Variants in CLSTN2 observed in about 807,000 individuals in gnomAD.
CLSTN2 encodes calsyntenin-2.
A neutral mutation model predicts 101.2 loss-of-function variants in CLSTN2; 48 were observed. The ratio of observed to expected loss-of-function variants is 0.47; its 90% CI spans 0.38 to 0.60. The LOEUF (loss-of-function observed/expected upper bound fraction) is 0.60, where lower values mean the gene tolerates loss of function less well. Among genes scored for constraint, CLSTN2 ranks in the 20% least tolerant of loss-of-function variants. The probability of loss-of-function intolerance (pLI) is 0.00; values close to 1 mark genes in which losing one functional copy is unlikely to be tolerated. For synonymous variants in CLSTN2, 481 were observed against 463.6 expected, an observed-to-expected ratio of 1.04 and a Z score of -0.48; for missense variants, 1,160 against 1,238.2, an observed-to-expected ratio of 0.94 and a Z score of 0.95.
At chr3:140,305,027 C>G (rs949659473) in intron 2 of CLSTN2, among the ~76,000 whole-genome samples, 128 of 56,904 alleles carry the variant, frequency 2.2e-3, no homozygotes, top group African/African-American at 5.9e-3. Flanking sequence ...CACAGAGACA[C>G]ACACACACAC....
At chr3:140,491,453 C>G (rs969500664) in intron 8 of CLSTN2, among the ~76,000 whole-genome samples, 1 of 152,056 alleles carries the variant, frequency 6.6e-6, no homozygotes, top group Non-Finnish European at 1.5e-5. Flanking sequence ...TAGTAGTTAC[C>G]CATTTATTTT....
At chr3:140,411,439 C>T (rs1311602853) in intron 4 of CLSTN2, among the ~76,000 whole-genome samples, 2 of 152,084 alleles carry the variant, frequency 1.3e-5, no homozygotes, top group Non-Finnish European at 1.5e-5. Flanking sequence ...TAAATATGAA[C>T]AAATCTGAAG....
intron 8 of CLSTN2, among the ~76,000 whole-genome samples, chr3:140,514,565 A>G (rs1326479265): frequency 1.3e-5 from 2 of 152,176 alleles, no homozygotes; most frequent in African/African-American, 4.8e-5. Context: ...TATTTTTGCC[A>G]TTGCAAATTG....
Position 140,337,294 on chromosome 3 carries a change from T to G in CLSTN2, c.233-66335T>G, listed in dbSNP as rs537557175. ...CACATTTAGTTCCTTCTGAGGGCTG[T>G]GCAAAAGGATCTGTTCCAGGCCTCT... On this transcript the variant is annotated intron_variant, in intron 2 of 16. Transcript: ENST00000458420. 1.1e-3 allele frequency among the ~76,000 whole-genome samples: 169 copies of G among 152,350 alleles called. 1 individual carries two copies. Among genetic ancestry groups the G allele is most frequent in the Non-Finnish European group, 2.0e-3 (136 of 68,022 alleles).
At chr3:140,355,664 T>C (rs1224584450) in intron 2 of CLSTN2, among the ~76,000 whole-genome samples, 1 of 152,192 alleles carries the variant, frequency 6.6e-6, no homozygotes, top group Non-Finnish European at 1.5e-5. Flanking sequence ...GCAATCTGGC[T>C]GGTGCCAAGC....
intron 1 of CLSTN2, among the ~76,000 whole-genome samples, chr3:140,043,428 T>C (rs1353462377): frequency 6.6e-6 from 1 of 152,222 alleles, no homozygotes; most frequent in Non-Finnish European, 1.5e-5. Flanking sequence ...ATATTAGCCC[T>C]TTGCCAGATG....
intron 8 of CLSTN2, among the ~76,000 whole-genome samples, chr3:140,502,276 A>G (rs1049636980): frequency 1.3e-5 from 2 of 152,188 alleles, no homozygotes; most frequent in Admixed American, 6.5e-5. Context: ...CTCTAAATGG[A>G]GCAAATTGTA....
chr3:140,079,540 A>G (rs971983592), intron 1 of CLSTN2, among the ~76,000 whole-genome samples: 5 of 152,182 alleles, frequency 3.3e-5, no homozygotes, highest in African/African-American at 1.2e-4. Flanking sequence ...TCATGAGGTC[A>G]GGAGATTGAG....
intron 1 of CLSTN2, among the ~76,000 whole-genome samples, chr3:140,172,121 T>C (rs1296838542): frequency 6.6e-6 from 1 of 150,588 alleles, no homozygotes; most frequent in Non-Finnish European, 1.5e-5. Flanking sequence ...AATTAGGGTG[T>C]GAAGTTTGGC....
intron 2 of CLSTN2, among the ~76,000 whole-genome samples, chr3:140,390,538 T>A (rs943791106): frequency 6.6e-6 from 1 of 152,238 alleles, no homozygotes; most frequent in South Asian, 2.1e-4. Flanking sequence ...TTTATGAACA[T>A]AACATGTGAG....
intron 2 of CLSTN2, among the ~76,000 whole-genome samples, chr3:140,225,929 G>T (rs1039939238): frequency 4.0e-5 from 6 of 151,650 alleles, no homozygotes; most frequent in African/African-American, 1.5e-4. Flanking sequence ...AAAAAAAAAG[G>T]ACTCTAAAAG....
chr3:140,518,132 G>T (rs1934955527), intron 8 of CLSTN2, among the ~76,000 whole-genome samples: 1 of 152,290 alleles, frequency 6.6e-6, no homozygotes, highest in Non-Finnish European at 1.5e-5. Flanking sequence ...CAAAAGGCCA[G>T]TCTCACTTCC....
intron 2 of CLSTN2, among the ~76,000 whole-genome samples, chr3:140,265,323 G>A (rs528935749): frequency 1.1e-4 from 16 of 152,274 alleles, no homozygotes; most frequent in Non-Finnish European, 1.6e-4. Context: ...GAGAAAGCCC[G>A]GAGGAGGAGC....
intron 5 of CLSTN2, among the ~76,000 whole-genome samples, chr3:140,434,898 TAA>T (rs75917404): frequency 1.3e-5 from 2 of 152,098 alleles, no homozygotes; most frequent in East Asian, 1.9e-4. Flanking sequence ...TTGTATCTTT[TAA>T]AAAAAATTTT....
At chr3:140,147,030 G>A (rs1175382758) in intron 1 of CLSTN2, among the ~76,000 whole-genome samples, 1 of 152,234 alleles carries the variant, frequency 6.6e-6, no homozygotes, top group Non-Finnish European at 1.5e-5. Context: ...ACAAATTAAT[G>A]ATTGAATGAG....
chr3:139,987,548 C>CT (rs1936046531), intron 1 of CLSTN2, among the ~76,000 whole-genome samples: 3 of 152,152 alleles, frequency 2.0e-5, no homozygotes, highest in Admixed American at 2.0e-4. Context: ...GCCATTATGC[C>CT]ATCGGCTTAG....
At chr3:140,042,967 A>T (rs1170457078) in intron 1 of CLSTN2, among the ~76,000 whole-genome samples, 2 of 152,226 alleles carry the variant, frequency 1.3e-5, no homozygotes, top group Non-Finnish European at 2.9e-5. Context: ...TATTGTGAAT[A>T]GTGCCACAAT....
At chr3:140,331,584 A>G (rs926951252) in intron 2 of CLSTN2, among the ~76,000 whole-genome samples, 5 of 152,196 alleles carry the variant, frequency 3.3e-5, no homozygotes, top group Admixed American at 2.0e-4. Context: ...TCAGGTTGAC[A>G]TCTTCACCAA....
chr3:140,130,224 G>A (rs975116962), intron 1 of CLSTN2, among the ~76,000 whole-genome samples: 6 of 152,194 alleles, frequency 3.9e-5, no homozygotes, highest in Non-Finnish European at 7.3e-5. Flanking sequence ...AAAGTTCCAT[G>A]ACCTCTGTGA....
Sources: gnomAD v4.1 joint callset for allele counts (sites outside exome capture counted in the v4.1 genomes callset) on GRCh38, gnomAD v4.1.1 for gene constraint, MANE v1.5 for transcripts, NCBI Gene and HGNC (gene_info 2026-07-23, HGNC 2026-07-21) for gene names.